ZEB2: variants seen among roughly 807,000 people sequenced by gnomAD.
The protein encoded by ZEB2 is zinc finger E-box binding homeobox 2, also known as zinc finger E-box-binding homeobox 2.
ZEB2 carries 6 observed loss-of-function variants against 99.9 expected under a neutral mutation model. That is an observed-to-expected ratio of 0.06 (90% CI 0.03 to 0.12). The LOEUF is 0.12. ZEB2 is among the 10% of genes least tolerant of loss of function. The probability of loss-of-function intolerance (pLI) is 1.00; values close to 1 mark genes in which losing one functional copy is unlikely to be tolerated. For missense variants in ZEB2, 969 were observed against 1,502.8 expected (o/e 0.64, Z 5.87); for synonymous variants, 517 against 542.5 (o/e 0.95, Z 0.65).
chr2:144,427,628 A>G (rs1299837131), intron 3 of ZEB2: 2 of 152,196 alleles, frequency 1.3e-5, no homozygotes, highest in East Asian at 3.8e-4. Flanking sequence ...GCTTTTTAAG[A>G]CCAATTTCTT....
At chr2:144,474,633 C>G (rs920684972) in intron 2 of ZEB2, among the ~76,000 whole-genome samples, 1 of 152,188 alleles carries the variant, frequency 6.6e-6, no homozygotes, top group African/African-American at 2.4e-5. Flanking sequence ...TACGTAATAA[C>G]TGAGGATTCT....
At chr2:144,512,390 T>TC (rs2149931389) in intron 2 of ZEB2, 1 of 1,287,242 alleles carries the variant, frequency 7.8e-7, no homozygotes, top group East Asian at 5.5e-5. Flanking sequence ...AGCAACGCCC[T>TC]CCTTTCCTAC....
chr2:144,464,455 A>G (rs1468227116), intron 2 of ZEB2: 1 of 152,216 alleles, frequency 6.6e-6, no homozygotes, highest in East Asian at 1.9e-4. Context: ...ATCAAAGTCT[A>G]CTAATTAGAT....
chr2:144,440,802 C>T (rs908814400), intron 2 of ZEB2, among the ~76,000 whole-genome samples: 1 of 151,496 alleles, frequency 6.6e-6, no homozygotes, highest in Non-Finnish European at 1.5e-5. Context: ...AAATTGCCAA[C>T]AAGGTCAATG....
intron 2 of ZEB2, chr2:144,513,225 T>C: frequency 7.8e-7 from 1 of 1,287,334 alleles, no homozygotes; most frequent in Non-Finnish European, 1.0e-6. Flanking sequence ...CCTCCACTCC[T>C]TTAAGGAAGT....
In ZEB2 at chr2:144,424,801, C is replaced by T; in HGVS notation, c.398G>A (p.Gly133Asp). Reference protein sequence around the residue: ...EATIQTAINNGTVKNANCTSD... With the variant: ...EATIQTAINNDTVKNANCTSD... The stretch of plus-strand genomic sequence containing the variant: ...GCGTGGCCAACATAACTCACCTGTA[C>T]CATTGTTAATTGCGGTCTGGATCGT... The change falls in exon 4 of 10, where the codon GGT becomes GAT. Residue 133 changes from glycine (G) to aspartate (D), a missense_variant. Transcript: ENST00000627532. 1.2e-6 allele frequency: 2 copies of T among 1,614,066 alleles called. No individual in the cohort carries two copies. Among genetic ancestry groups the T allele is most frequent in the Non-Finnish European group, 1.7e-6 (2 of 1,179,940 alleles).
chr2:144,510,980 G>GGT (rs1022100430), intron 2 of ZEB2, among the ~76,000 whole-genome samples: 2 of 152,020 alleles, frequency 1.3e-5, no homozygotes, highest in Admixed American at 6.6e-5. Flanking sequence ...GCAGCTACTG[G>GGT]GTGTGTGTGT....
Position 144,483,150 on chromosome 2 carries a change from A to ACACACACACACACACACATGCG in ZEB2, c.73+34127_73+34128insCGCATGTGTGTGTGTGTGTGTG, listed in dbSNP as rs1553968387. ...CACACACACACACACACACACACAC[A>ACACACACACACACACACATGCG]CACACACACACACATACCCTAAGAC... On this transcript the variant is annotated intron_variant, in intron 2 of 9. Coordinates refer to ENST00000627532, the MANE Select transcript of ZEB2 (RefSeq NM_014795.4). Among the ~76,000 whole-genome samples, 25 of 149,652 alleles carry ACACACACACACACACACATGCG rather than the reference A, an allele frequency of 1.7e-4. 1 individual carries two copies. In the East Asian group the frequency reaches 1.8e-3, roughly 11 times the overall value.
intron 2 of ZEB2, among the ~76,000 whole-genome samples, chr2:144,465,742 A>C (rs1346592464): frequency 6.6e-6 from 1 of 152,184 alleles, no homozygotes; most frequent in Non-Finnish European, 1.5e-5. Context: ...ACTTGCATGC[A>C]TTCTAAAATA....
chr2:144,450,509 C>T lies in ZEB2; in HGVS notation c.74-20483G>A, dbSNP rs567379778. The T allele has an allele frequency of 4.6e-5, 7 of 152,134 alleles. No homozygotes were observed. In the South Asian group the frequency reaches 6.2e-4, roughly 14 times the overall value. 9.4% of individuals were successfully genotyped at this position (152,134 alleles called of 1,614,324 possible). ...GATTTAGAATAATGCAAGAAAGTAACGCCTTAGTGTCTTAGTACCATTTAT... is the reference window on the plus strand; with the variant it reads ...GATTTAGAATAATGCAAGAAAGTAATGCCTTAGTGTCTTAGTACCATTTAT... On this transcript the variant is annotated intron_variant, in intron 2 of 9. Transcript: ENST00000627532.
intron 4 of ZEB2, among the ~76,000 whole-genome samples, chr2:144,411,943 C>T (rs1212721358): frequency 6.6e-6 from 1 of 152,186 alleles, no homozygotes; most frequent in East Asian, 1.9e-4. Context: ...TGTGTATTGG[C>T]ACAGAATGAT....
intron 2 of ZEB2, among the ~76,000 whole-genome samples, chr2:144,485,343 T>C (rs1329676055): frequency 2.0e-5 from 3 of 152,234 alleles, no homozygotes; most frequent in African/African-American, 4.8e-5. Context: ...AAATGCTAAT[T>C]AGTATTATCA....
At chr2:144,450,215 A>C (rs1452342425) in intron 2 of ZEB2, 1 of 152,166 alleles carries the variant, frequency 6.6e-6, no homozygotes, top group African/African-American at 2.4e-5. Context: ...AATATAGAAG[A>C]ACTTGTCATA....
At chr2:144,451,083 A>G (rs1704049075) in intron 2 of ZEB2, among the ~76,000 whole-genome samples, 1 of 152,194 alleles carries the variant, frequency 6.6e-6, no homozygotes, top group African/African-American at 2.4e-5. Flanking sequence ...ATAAAAAAGG[A>G]AGAGATTGGG....
chr2:144,515,797 T>TAG (rs10639317), intron 2 of ZEB2, among the ~76,000 whole-genome samples: 93,418 of 146,652 alleles, frequency 0.64, 29,972 homozygotes, highest in Non-Finnish European at 0.72. Flanking sequence ...ACACAAAACC[T>TAG]AGAGAGAGAG....
At chr2:144,403,877 G>A (rs750882374) in intron 6 of ZEB2, 39 bp downstream of exon 6, 1 of 1,609,290 alleles carries the variant, frequency 6.2e-7, no homozygotes, top group Admixed American at 1.7e-5. Flanking sequence ...TCTCTAAGGG[G>A]TTATTATAGA....
intron 2 of ZEB2, among the ~76,000 whole-genome samples, chr2:144,481,715 A>G (rs894792141): frequency 6.6e-6 from 1 of 152,224 alleles, no homozygotes; most frequent in African/African-American, 2.4e-5. Context: ...AGCAATATAA[A>G]TTAATATCTA....
intron 2 of ZEB2, chr2:144,463,142 C>G (rs1189564956): frequency 6.6e-6 from 1 of 152,088 alleles, no homozygotes; most frequent in Non-Finnish European, 1.5e-5. Flanking sequence ...AAGTAACCCC[C>G]AAAGTTAAAA....
intron 2 of ZEB2, among the ~76,000 whole-genome samples, chr2:144,465,518 C>T (rs1704259450): frequency 6.6e-6 from 1 of 152,134 alleles, no homozygotes; most frequent in African/African-American, 2.4e-5. Context: ...GAGCGCTATC[C>T]AATCATATAC....
Sources: allele counts gnomAD v4.1 joint callset (sites outside exome capture counted in the v4.1 genomes callset), GRCh38; gene constraint gnomAD v4.1.1; transcripts MANE v1.5; gene names NCBI Gene and HGNC (gene_info 2026-07-23, HGNC 2026-07-21).